Variants in TUSC3 observed in about 807,000 individuals in gnomAD.
The protein encoded by TUSC3 is dolichyl-diphosphooligosaccharide--protein glycosyltransferase subunit TUSC3.
In TUSC3, 45 loss-of-function variants were observed where a neutral mutation model predicts 44.8. The ratio of observed to expected loss-of-function variants is 1.00; its 90% CI spans 0.79 to 1.29. The LOEUF (loss-of-function observed/expected upper bound fraction) is 1.29, where lower values mean the gene tolerates loss of function less well. TUSC3 is among the 50% of genes most tolerant of loss of function. The pLI, the probability that TUSC3 is intolerant of heterozygous loss-of-function variation, is 0.00. For missense variants in TUSC3, 519 were observed against 437.9 expected, an observed-to-expected ratio of 1.19 and a Z score of -1.65; for synonymous variants, 212 against 152.9, an observed-to-expected ratio of 1.39 and a Z score of -2.85.
intron 2 of TUSC3, among the ~76,000 whole-genome samples, chr8:15,505,466 T>A (rs946170352): frequency 6.6e-6 from 1 of 152,238 alleles, no homozygotes; most frequent in Non-Finnish European, 1.5e-5. Flanking sequence ...CCATTTTTAT[T>A]CCTGTTGGTA....
intron 2 of TUSC3, among the ~76,000 whole-genome samples, chr8:15,642,688 A>G (rs1400878835): frequency 1.3e-5 from 2 of 151,884 alleles, no homozygotes; most frequent in Non-Finnish European, 2.9e-5. Context: ...AGGTTTTGCA[A>G]TATATATATA....
At chr8:15,770,938 C>T (rs1812431345), downstream of TUSC3, among the ~76,000 whole-genome samples, 1 of 152,098 alleles carries the variant, frequency 6.6e-6, no homozygotes, top group Non-Finnish European at 1.5e-5. Flanking sequence ...ACATAGTATA[C>T]ACATTCAAAG....
chr8:15,826,727 C>G, the TUSC3 span, among the ~76,000 whole-genome samples: 3 of 151,752 alleles, frequency 2.0e-5, no homozygotes, highest in Non-Finnish European at 2.9e-5. Context: ...GATTCAAAGG[C>G]AGGAAGAGGA....
chr8:15,772,585 A>G, the TUSC3 span, among the ~76,000 whole-genome samples: 1 of 152,208 alleles, frequency 6.6e-6, no homozygotes, highest in Non-Finnish European at 1.5e-5. Flanking sequence ...TACACCAAAT[A>G]TTTAAAGAAT....
At chr8:15,592,267 C>G (rs909162793) in intron 1 of TUSC3, among the ~76,000 whole-genome samples, 3 of 152,178 alleles carry the variant, frequency 2.0e-5, no homozygotes, top group Non-Finnish European at 2.9e-5. Flanking sequence ...GTGTAGCTCT[C>G]AAGGCAGACA....
At chr8:15,498,875 A>C (rs1390052) in intron 2 of TUSC3, among the ~76,000 whole-genome samples, 37,845 of 152,156 alleles carry the variant, frequency 0.25, 5,110 homozygotes, top group Non-Finnish European at 0.31. Flanking sequence ...TAGTCTAATC[A>C]GTACAATGAA....
intron 6 of TUSC3, among the ~76,000 whole-genome samples, chr8:15,679,557 A>G (rs746399218): frequency 1.3e-5 from 2 of 151,892 alleles, no homozygotes; most frequent in African/African-American, 4.8e-5. Flanking sequence ...AATTTACTCA[A>G]TTGATAGTTC....
chr8:15,730,660 T>C lies in TUSC3; in HGVS notation c.799-6T>C. On this transcript the variant is annotated splice_polypyrimidine_tract_variant and splice_region_variant and intron_variant, in intron 6 of 10. Coordinates refer to ENST00000503731, the MANE Select transcript of TUSC3 (RefSeq NM_006765.4). ...GACTGTAATTTCTGTTTGTCTTCTTTTATAGAGCTACATTCATGGGAGCAG... is the reference window on the plus strand; with the variant it reads ...GACTGTAATTTCTGTTTGTCTTCTTCTATAGAGCTACATTCATGGGAGCAG... 6.2e-7 allele frequency: 1 copy of C among 1,612,766 alleles called. No individual in the cohort carries two copies. The highest frequency in any genetic ancestry group is 1.1e-5 in the South Asian group (1 of 90,970).
chr8:15,478,060 C>T (rs570972525), intron 1 of TUSC3, among the ~76,000 whole-genome samples: 4 of 152,016 alleles, frequency 2.6e-5, no homozygotes, highest in Non-Finnish European at 5.9e-5. Flanking sequence ...CAGGTTCAAG[C>T]GATTCTCCTG....
At chr8:15,550,151 CA>C (rs746740279) in intron 1 of TUSC3, among the ~76,000 whole-genome samples, 2 of 151,732 alleles carry the variant, frequency 1.3e-5, no homozygotes, top group Non-Finnish European at 2.9e-5. Context: ...CCGATTAGGT[CA>C]GGGGTCGTTC....
the TUSC3 span, among the ~76,000 whole-genome samples, chr8:15,840,187 T>G: frequency 1.3e-5 from 2 of 151,810 alleles, no homozygotes; most frequent in Non-Finnish European, 2.9e-5. Flanking sequence ...TGAGAACACT[T>G]GGACACAGGA....
chr8:15,735,916 G>C (rs1163341696), intron 7 of TUSC3, among the ~76,000 whole-genome samples: 7 of 149,254 alleles, frequency 4.7e-5, no homozygotes, highest in African/African-American at 1.2e-4. Flanking sequence ...TTTTAGTAGA[G>C]ACGGGGTTTC....
intron 1 of TUSC3, among the ~76,000 whole-genome samples, chr8:15,447,500 A>G (rs990889559): frequency 2.0e-5 from 3 of 152,318 alleles, no homozygotes; most frequent in African/African-American, 7.2e-5. Flanking sequence ...ATGTCATCAA[A>G]TATTTCTAAA....
Position 15,572,592 on chromosome 8 carries a change from G to T in TUSC3, c.138+32024G>T, listed in dbSNP as rs369729505. On this transcript the variant is annotated intron_variant, in intron 1 of 10. Transcript: ENST00000503731. ...CAACTTGTCTAACTGTTCGGTGCAAGAGGTGTAGCTTTTGGCCTATCTGAG... is the reference window on the plus strand; with the variant it reads ...CAACTTGTCTAACTGTTCGGTGCAATAGGTGTAGCTTTTGGCCTATCTGAG... Among the ~76,000 whole-genome samples, 25 of 152,292 alleles carry T rather than the reference G, an allele frequency of 1.6e-4. No homozygotes were observed. In the East Asian group the frequency reaches 3.9e-3, roughly 24 times the overall value.
At chr8:15,532,531 G>A (rs1323410339) in intron 2 of TUSC3, among the ~76,000 whole-genome samples, 1 of 152,160 alleles carries the variant, frequency 6.6e-6, no homozygotes, top group Non-Finnish European at 1.5e-5. Context: ...AAAGTAAAAA[G>A]GGCAGGTACT....
intron 6 of TUSC3, among the ~76,000 whole-genome samples, chr8:15,723,409 G>A (rs1810381674): frequency 6.6e-6 from 1 of 152,104 alleles, no homozygotes; most frequent in Non-Finnish European, 1.5e-5. Context: ...TCATTTTTTA[G>A]TTGAAGCCAA....
chr8:15,539,495 G>GGC (rs1279177254), upstream of TUSC3, among the ~76,000 whole-genome samples: 2 of 151,558 alleles, frequency 1.3e-5, no homozygotes, highest in African/African-American at 4.8e-5. Context: ...GGAACTGCAA[G>GGC]GCGCTCCACC....
At chr8:15,629,090 G>A (rs2129167126) in intron 2 of TUSC3, among the ~76,000 whole-genome samples, 1 of 152,308 alleles carries the variant, frequency 6.6e-6, no homozygotes, top group East Asian at 1.9e-4. Context: ...GTAACTTGCT[G>A]AAGTGTGATA....
At chr8:15,562,930 T>C (rs7828930) in intron 1 of TUSC3, among the ~76,000 whole-genome samples, 2,992 of 152,224 alleles carry the variant, frequency 0.02, 92 homozygotes, top group African/African-American at 0.066. Flanking sequence ...TTTGCAAATA[T>C]TTGCCATATA....
Sources: allele counts gnomAD v4.1 joint callset (sites outside exome capture counted in the v4.1 genomes callset), GRCh38; gene constraint gnomAD v4.1.1; transcripts MANE v1.5; gene names NCBI Gene and HGNC (gene_info 2026-07-23, HGNC 2026-07-21).